PRICKLE2: variants seen among roughly 807,000 people sequenced by gnomAD.
PRICKLE2 encodes prickle planar cell polarity protein 2, also known as prickle-like protein 2.
PRICKLE2 carries 21 observed loss-of-function variants against 81.4 expected under a neutral mutation model. The ratio of observed to expected loss-of-function variants is 0.26; its 90% confidence interval spans 0.18 to 0.37. PRICKLE2 has a LOEUF of 0.37. Ranked by LOEUF, PRICKLE2 falls within the 10% of genes least tolerant of loss-of-function variation. The pLI, the probability that PRICKLE2 is intolerant of heterozygous loss-of-function variation, is 1.00. For synonymous variants in PRICKLE2, 456 were observed against 421.5 expected (o/e 1.08, Z -1.00); for missense variants, 940 against 1,109.0 (o/e 0.85, Z 2.16).
intron 6 of PRICKLE2, among the ~76,000 whole-genome samples, chr3:64,152,410 C>T (rs186064275): frequency 3.3e-5 from 5 of 152,258 alleles, no homozygotes; most frequent in African/African-American, 9.6e-5. Context: ...TCTGGAACAG[C>T]GTTAAAGGGT....
intron 7 of PRICKLE2, among the ~76,000 whole-genome samples, chr3:64,114,324 C>T (rs949853373): frequency 2.0e-5 from 3 of 152,142 alleles, no homozygotes; most frequent in African/African-American, 7.2e-5. Flanking sequence ...TTCTTTCCTC[C>T]AAACAACCGC....
intron 1 of PRICKLE2, among the ~76,000 whole-genome samples, chr3:64,203,098 G>T (rs2078618317): frequency 6.6e-6 from 1 of 152,102 alleles, no homozygotes; most frequent in South Asian, 2.1e-4. Flanking sequence ...AACGAAATCA[G>T]TTTAGTCTAA....
intron 1 of PRICKLE2, among the ~76,000 whole-genome samples, chr3:64,210,058 G>A (rs953746790): frequency 6.6e-6 from 1 of 152,138 alleles, no homozygotes; most frequent in Non-Finnish European, 1.5e-5. Flanking sequence ...CTCCACCACT[G>A]TCTAGATTAA....
chr3:64,224,858 T>C, intron 1 of PRICKLE2, 52 bp downstream of exon 1: 1 of 958,482 alleles, frequency 1.0e-6, no homozygotes, highest in South Asian at 4.8e-5. Flanking sequence ...TCATCCTCCT[T>C]AGAAAATATA....
At chr3:64,257,186 G>A (rs1437612041) in intron 2 of PRICKLE2, among the ~76,000 whole-genome samples, 1 of 152,180 alleles carries the variant, frequency 6.6e-6, no homozygotes, top group Non-Finnish European at 1.5e-5. Flanking sequence ...CCCTATATAA[G>A]AAAAATTATT....
At chr3:64,159,818 T>A in intron 4 of PRICKLE2, 122 bp downstream of exon 4, 2 of 1,301,594 alleles carry the variant, frequency 1.5e-6, no homozygotes, top group Non-Finnish European at 1.1e-6. Flanking sequence ...AACTTTCCCG[T>A]CTTTTGTTCA....
chr3:64,197,754 G>A (rs1046949101), intron 2 of PRICKLE2, among the ~76,000 whole-genome samples: 2 of 152,064 alleles, frequency 1.3e-5, no homozygotes, highest in African/African-American at 4.8e-5. Flanking sequence ...TGGGTACTAG[G>A]CTTAATATCT....
intron 2 of PRICKLE2, among the ~76,000 whole-genome samples, chr3:64,255,629 C>A (rs890299886): frequency 6.6e-6 from 1 of 152,162 alleles, no homozygotes; most frequent in Admixed American, 6.5e-5. Context: ...ATCTCTCTAG[C>A]GCTCATTTTC....
intron 2 of PRICKLE2, among the ~76,000 whole-genome samples, chr3:64,191,037 A>T (rs1575643065): frequency 6.6e-6 from 1 of 152,174 alleles, no homozygotes; most frequent in South Asian, 2.1e-4. Context: ...CACAGGCTCC[A>T]CAGAGCCAGA....
At chr3:64,257,367 C>G (rs2079541285) in intron 2 of PRICKLE2, among the ~76,000 whole-genome samples, 1 of 152,112 alleles carries the variant, frequency 6.6e-6, no homozygotes, top group South Asian at 2.1e-4. Flanking sequence ...GTTCCAAACA[C>G]TGGGGATGGG....
chr3:64,259,889 A>T (rs1411152008), intron 2 of PRICKLE2, among the ~76,000 whole-genome samples: 13 of 152,172 alleles, frequency 8.5e-5, no homozygotes, highest in Non-Finnish European at 1.5e-5. Flanking sequence ...CCAGAACAGT[A>T]AGAGAATAAA....
In PRICKLE2 at chr3:64,147,946, G is replaced by C. The variant is rs1575590476; in HGVS notation, c.788-244C>G. Among the ~76,000 whole-genome samples the C allele has an allele frequency of 6.6e-6, 1 of 152,210 alleles. No homozygotes were observed. The highest frequency in any genetic ancestry group is 2.1e-4 in the South Asian group (1 of 4,830). The stretch of plus-strand genomic sequence containing the variant: ...CAAAGACTCTAGGTTAAAATGGCTT[G>C]TCTATGAATCCTTCTGCCTGGGACA... On this transcript the variant is annotated intron_variant, in intron 6 of 7. Transcript: ENST00000638394. The surrounding 1 kb of genome is among the most constrained non-coding windows in gnomAD (Gnocchi z 5.0).
intron 1 of PRICKLE2, among the ~76,000 whole-genome samples, chr3:64,208,138 T>C (rs2078722553): frequency 6.6e-6 from 1 of 152,184 alleles, no homozygotes; most frequent in Non-Finnish European, 1.5e-5. Context: ...GAGAGCTTTT[T>C]CTAGACTGCA....
chr3:64,194,674 A>G (rs1196209120), intron 2 of PRICKLE2, among the ~76,000 whole-genome samples: 1 of 152,202 alleles, frequency 6.6e-6, no homozygotes, highest in Non-Finnish European at 1.5e-5. Flanking sequence ...TTTTAATATT[A>G]TCTACTGTAA....
At chr3:64,247,717 C>A (rs954203273) in intron 2 of PRICKLE2, among the ~76,000 whole-genome samples, 2 of 152,156 alleles carry the variant, frequency 1.3e-5, no homozygotes, top group South Asian at 2.1e-4. Flanking sequence ...AAAGTTAACT[C>A]CCCCTATCCC....
chr3:64,177,880 T>C (rs571523525), intron 2 of PRICKLE2, among the ~76,000 whole-genome samples: 4 of 152,314 alleles, frequency 2.6e-5, no homozygotes, highest in African/African-American at 9.6e-5. Context: ...CGTACAATTA[T>C]GTTTGAATCT....
At chr3:64,160,367 T>G (rs187652728) in intron 3 of PRICKLE2, among the ~76,000 whole-genome samples, 25 of 152,286 alleles carry the variant, frequency 1.6e-4, no homozygotes, top group Non-Finnish European at 2.5e-4. Flanking sequence ...CTCACTCTGC[T>G]CACCATGTTA....
At chr3:64,255,472 G>C (rs570578037) in intron 2 of PRICKLE2, among the ~76,000 whole-genome samples, 27 of 152,202 alleles carry the variant, frequency 1.8e-4, no homozygotes, top group African/African-American at 6.5e-4. Context: ...TACAAATCAA[G>C]ACCACACCTC....
intron 2 of PRICKLE2, among the ~76,000 whole-genome samples, chr3:64,197,982 C>T (rs748963850): frequency 1.9e-4 from 29 of 152,118 alleles, no homozygotes; most frequent in South Asian, 1.2e-3. Flanking sequence ...GAGGCCAACA[C>T]GGACGGATCA....
Sources: allele counts gnomAD v4.1 joint callset (sites outside exome capture counted in the v4.1 genomes callset), GRCh38; gene constraint gnomAD v4.1.1; non-coding constraint Gnocchi (gnomAD v3.1); transcripts MANE v1.5; gene names NCBI Gene and HGNC (gene_info 2026-07-23, HGNC 2026-07-21).